FBXL7: variants seen among roughly 807,000 people sequenced by gnomAD.
FBXL7 encodes the protein F-box and leucine rich repeat protein 7, also known as F-box/LRR-repeat protein 7.
Under a neutral mutation model 38.3 loss-of-function variants are expected in FBXL7, and 12 were observed. That is an observed-to-expected ratio of 0.31 (90% confidence interval 0.20 to 0.51). The LOEUF (loss-of-function observed/expected upper bound fraction) is 0.51. Ranked by LOEUF, FBXL7 falls within the 20% of genes least tolerant of loss-of-function variation. The pLI, the probability that FBXL7 is intolerant of heterozygous loss-of-function variation, is 0.98. For missense variants in FBXL7, 567 were observed against 676.4 expected, an observed-to-expected ratio of 0.84 and a Z score of 1.79; for synonymous variants, 297 against 300.9, an observed-to-expected ratio of 0.99 and a Z score of 0.13.
intron 1 of FBXL7, among the ~76,000 whole-genome samples, chr5:15,513,295 T>C (rs541963892): frequency 9.3e-4 from 142 of 152,292 alleles, no homozygotes; most frequent in Non-Finnish European, 1.7e-3. Context: ...AAATACAGTA[T>C]CTTTCTACAA....
rs771864914 is a variant in FBXL7 at position 15,767,172 on chromosome 5, C to A, written c.127+151100C>A. On this transcript the variant is annotated intron_variant, in intron 2 of 3. Coordinates refer to ENST00000504595, the MANE Select transcript of FBXL7 (RefSeq NM_012304.5). ...TGCTCTCCCTTCTCCTACACTGCCC[C>A]CGACAGCCCCCAGTGTGCGTTGTCA... 2.1e-4 allele frequency among the ~76,000 whole-genome samples: 32 copies of A among 152,256 alleles called. 1 individual carries two copies. The highest frequency in any genetic ancestry group is 7.2e-4 in the Admixed American group (11 of 15,298).
intron 1 of FBXL7, among the ~76,000 whole-genome samples, chr5:15,540,339 ATTTG>A (rs1377287494): frequency 2.6e-5 from 4 of 152,150 alleles, no homozygotes; most frequent in Admixed American, 6.5e-5. Flanking sequence ...CTTGTTGTGA[ATTTG>A]TTTGTTCATT....
chr5:15,654,769 A>C (rs1285140601), intron 2 of FBXL7, among the ~76,000 whole-genome samples: 1 of 152,176 alleles, frequency 6.6e-6, no homozygotes, highest in Non-Finnish European at 1.5e-5. Context: ...ATATTGGATA[A>C]ATTTTGGATG....
At chr5:15,823,138 C>T (rs1241232771) in intron 2 of FBXL7, among the ~76,000 whole-genome samples, 1 of 152,100 alleles carries the variant, frequency 6.6e-6, no homozygotes. Flanking sequence ...TGCCTGTTGC[C>T]GTATAAGCCG....
chr5:15,500,262 G>A lies in FBXL7; in HGVS notation c.-415G>A, dbSNP rs930811847. On this transcript the variant is annotated 5_prime_UTR_variant, in exon 1 of 4. Transcript: ENST00000504595. ...TCCCCGGGGAAGCCGCGGGCGCGCA[G>A]GGGCAGCCGAAGGAGGCGGTCGAGC... The A allele has an allele frequency of 6.6e-6, 1 of 151,908 alleles. No individual in the cohort carries two copies. The highest frequency in any genetic ancestry group is 1.5e-5 in the Non-Finnish European group (1 of 67,962). The allele number at this position is 151,908 out of a possible 1,614,324, so 9.4% of individuals were successfully genotyped here. A position where few individuals can be genotyped will look rare whatever the true frequency, so the allele number is the denominator to read the frequency against.
intron 2 of FBXL7, among the ~76,000 whole-genome samples, chr5:15,627,628 C>A (rs1740862602): frequency 2.0e-5 from 3 of 152,096 alleles, no homozygotes; most frequent in Admixed American, 1.3e-4. Flanking sequence ...GACAAATAGG[C>A]CATTCTGCAT....
intron 2 of FBXL7, among the ~76,000 whole-genome samples, chr5:15,866,301 C>T (rs1459721932): frequency 6.6e-6 from 1 of 152,106 alleles, no homozygotes; most frequent in African/African-American, 2.4e-5. Flanking sequence ...TGTTACTGGA[C>T]CAAGATGTTT....
At chr5:15,636,899 A>G in intron 2 of FBXL7, among the ~76,000 whole-genome samples, 1 of 152,164 alleles carries the variant, frequency 6.6e-6, no homozygotes, top group East Asian at 1.9e-4. Context: ...AGAAATTCAC[A>G]TAGTTGATAT....
chr5:15,902,142 AC>A (rs1316727444), intron 2 of FBXL7, among the ~76,000 whole-genome samples: 4 of 152,088 alleles, frequency 2.6e-5, no homozygotes, highest in Admixed American at 1.3e-4. Context: ...GTACACAGTG[AC>A]GGTTTTATAT....
chr5:15,877,027 G>A (rs1170558478), intron 2 of FBXL7, among the ~76,000 whole-genome samples: 1 of 152,152 alleles, frequency 6.6e-6, no homozygotes, highest in Admixed American at 6.6e-5. Flanking sequence ...GCTTTTTCTA[G>A]ATATCAGCGT....
chr5:15,707,146 T>C (rs934706905), intron 2 of FBXL7, among the ~76,000 whole-genome samples: 1 of 150,070 alleles, frequency 6.7e-6, no homozygotes, highest in Non-Finnish European at 1.5e-5. Context: ...TAAAAATATG[T>C]CAAGGTAGTG....
rs536819651 is a variant in FBXL7 at position 15,758,560 on chromosome 5, T to C, written c.127+142488T>C. 2.0e-5 allele frequency among the ~76,000 whole-genome samples: 3 copies of C among 152,290 alleles called. No homozygotes were observed. In the South Asian group the frequency reaches 6.2e-4, roughly 32 times the overall value. On this transcript the variant is annotated intron_variant, in intron 2 of 3. Coordinates refer to ENST00000504595, the MANE Select transcript of FBXL7 (RefSeq NM_012304.5). ...AAAGGGCCGGATAGATATATTATGG[T>C]TCTTATACCTAATGGACCATTTTGC...
chr5:15,878,136 G>A (rs575210706), intron 2 of FBXL7, among the ~76,000 whole-genome samples: 3 of 152,238 alleles, frequency 2.0e-5, no homozygotes, highest in African/African-American at 7.2e-5. Context: ...AGTTGTTCTG[G>A]CAGGCACTTC....
chr5:15,712,789 C>G (rs4701642), intron 2 of FBXL7, among the ~76,000 whole-genome samples: 96,509 of 151,926 alleles, frequency 0.64, 30,826 homozygotes, highest in East Asian at 0.83. Context: ...ACATGGGACA[C>G]GTGGAAGGAC....
chr5:15,528,186 C>T (rs592200), intron 1 of FBXL7, among the ~76,000 whole-genome samples: 3,005 of 152,194 alleles, frequency 0.02, 116 homozygotes, highest in African/African-American at 0.069. Flanking sequence ...GTATCGGGGA[C>T]CCTCCCTAAT....
At chr5:15,630,603 A>G (rs547915465) in intron 2 of FBXL7, among the ~76,000 whole-genome samples, 2 of 152,212 alleles carry the variant, frequency 1.3e-5, no homozygotes, top group African/African-American at 4.8e-5. Context: ...CCTAGAAACA[A>G]CCTTGGCTTC....
chr5:15,683,458 A>G (rs2126612828), intron 2 of FBXL7, among the ~76,000 whole-genome samples: 1 of 152,306 alleles, frequency 6.6e-6, no homozygotes, highest in South Asian at 2.1e-4. Context: ...TTTCTGCCTA[A>G]GTCTTCTTGA....
chr5:15,735,081 G>A (rs570618790), intron 2 of FBXL7, among the ~76,000 whole-genome samples: 18 of 152,234 alleles, frequency 1.2e-4, no homozygotes, highest in East Asian at 1.2e-3. Flanking sequence ...ACAGGCACGT[G>A]CCACCATGCC....
chr5:15,666,205 T>C (rs1261374556), intron 2 of FBXL7, among the ~76,000 whole-genome samples: 1 of 152,198 alleles, frequency 6.6e-6, no homozygotes, highest in Non-Finnish European at 1.5e-5. Context: ...TTTTTGGTTG[T>C]AATTCTGAGT....
Sources: gnomAD v4.1 joint callset for allele counts (sites outside exome capture counted in the v4.1 genomes callset) on GRCh38, gnomAD v4.1.1 for gene constraint, MANE v1.5 for transcripts, NCBI Gene and HGNC (gene_info 2026-07-23, HGNC 2026-07-21) for gene names.